CADPS2: variants seen among roughly 807,000 people sequenced by gnomAD.
The protein encoded by CADPS2 is calcium dependent secretion activator 2, also known as calcium-dependent secretion activator 2.
CADPS2 carries 93 observed loss-of-function variants against 172.5 expected under a neutral mutation model. The ratio of observed to expected loss-of-function variants is 0.54; its 90% CI spans 0.46 to 0.64. The LOEUF is 0.64. CADPS2 is among the 30% of genes least tolerant of loss of function. The pLI, the probability that CADPS2 is intolerant of heterozygous loss-of-function variation, is 0.00. For synonymous variants in CADPS2, 546 were observed against 555.2 expected (o/e 0.98, Z 0.23); for missense variants, 1,420 against 1,565.9 (o/e 0.91, Z 1.57).
intron 1 of CADPS2, 53 bp downstream of exon 1, chr7:122,885,946 G>T: frequency 6.4e-7 from 1 of 1,564,658 alleles, no homozygotes; most frequent in Non-Finnish European, 8.7e-7. Context: ...GCTCTCCCGG[G>T]AGAAAAACCC....
chr7:122,410,433 C>T (rs1362167152), intron 19 of CADPS2, among the ~76,000 whole-genome samples: 1 of 143,018 alleles, frequency 7.0e-6, no homozygotes, highest in Non-Finnish European at 1.5e-5. Flanking sequence ...GCTGACAATA[C>T]TTGGAAAGCC....
chr7:122,529,192 C>T (rs576963690), intron 8 of CADPS2, among the ~76,000 whole-genome samples: 127 of 151,930 alleles, frequency 8.4e-4, no homozygotes, highest in Non-Finnish European at 1.6e-3. Flanking sequence ...TTTTTTCTTA[C>T]GGCACATTTC....
In CADPS2 at chr7:122,886,203, C is replaced by A; in HGVS notation, c.135G>T (p.Pro45=). The change falls in exon 1 of 30, where the codon CCG becomes CCT. Residue 45 remains proline, a synonymous_variant. Coordinates refer to ENST00000449022, the MANE Select transcript of CADPS2 (RefSeq NM_017954.11). The part of the protein sequence containing the change: ...APTREGRRDA[P]GRAGGGGAAR... Reference sequence around the variant, plus strand: ...CCGCGCCGCCGCCGCCCGCGCGCCCCGGCGCGTCCCGCCGCCCTTCCCGAG... The same window carrying A: ...CCGCGCCGCCGCCGCCCGCGCGCCCAGGCGCGTCCCGCCGCCCTTCCCGAG... The A allele has an allele frequency of 6.8e-7, 1 of 1,470,080 alleles. No homozygotes were observed. Among genetic ancestry groups the A allele is most frequent in the African/African-American group, 1.5e-5 (1 of 67,050 alleles). 91.1% of individuals were successfully genotyped at this position (1,470,080 alleles called of 1,614,324 possible).
intron 17 of CADPS2, among the ~76,000 whole-genome samples, chr7:122,430,073 C>T (rs2049691772): frequency 6.6e-6 from 1 of 152,040 alleles, no homozygotes; most frequent in Non-Finnish European, 1.5e-5. Flanking sequence ...GCAGTCTGGG[C>T]CTCTGGGAAA....
intron 1 of CADPS2, among the ~76,000 whole-genome samples, chr7:122,815,473 T>G (rs1409651203): frequency 6.6e-6 from 1 of 152,138 alleles, no homozygotes; most frequent in Non-Finnish European, 1.5e-5. Flanking sequence ...ATCAAAACAT[T>G]AACCCTCATT....
chr7:122,609,457 GA>G (rs1426249742), intron 6 of CADPS2, among the ~76,000 whole-genome samples: 1 of 152,104 alleles, frequency 6.6e-6, no homozygotes, highest in East Asian at 1.9e-4. Context: ...AAGAGACTAT[GA>G]AACAATGACT....
intron 1 of CADPS2, among the ~76,000 whole-genome samples, chr7:122,835,884 A>G (rs2140769770): frequency 6.6e-6 from 1 of 152,350 alleles, no homozygotes; most frequent in East Asian, 1.9e-4. Flanking sequence ...AACTTCCCCA[A>G]TCTAGCAAGG....
chr7:122,764,498 T>TA (rs1465559446), intron 1 of CADPS2, among the ~76,000 whole-genome samples: 97 of 152,260 alleles, frequency 6.4e-4, no homozygotes, highest in African/African-American at 2.2e-3. Context: ...AGTCTATCTT[T>TA]GTGGAGCTTA....
chr7:122,739,641 A>G (rs56380009), intron 1 of CADPS2, among the ~76,000 whole-genome samples: 2,467 of 152,302 alleles, frequency 0.016, 65 homozygotes, highest in African/African-American at 0.056. Context: ...TACATTTAAG[A>G]CATAAAATGG....
chr7:122,624,094 TA>T (rs988955411), intron 4 of CADPS2, among the ~76,000 whole-genome samples: 1 of 152,212 alleles, frequency 6.6e-6, no homozygotes, highest in African/African-American at 2.4e-5. Flanking sequence ...AATTCAGTTT[TA>T]AAGCTTTGAG....
chr7:122,334,411 T>G (rs1214430742), intron 28 of CADPS2, among the ~76,000 whole-genome samples: 1 of 152,126 alleles, frequency 6.6e-6, no homozygotes, highest in Admixed American at 6.5e-5. Context: ...AAGTGACATG[T>G]CCTGGGTGCG....
At chr7:122,818,639 A>C (rs867849294) in intron 1 of CADPS2, among the ~76,000 whole-genome samples, 9 of 151,982 alleles carry the variant, frequency 5.9e-5, no homozygotes, top group South Asian at 2.1e-4. Flanking sequence ...CTTCCTCAGC[A>C]TCTGCTCCTC....
intron 27 of CADPS2, among the ~76,000 whole-genome samples, chr7:122,349,289 TA>T (rs1221364729): frequency 6.6e-6 from 1 of 152,138 alleles, no homozygotes; most frequent in Non-Finnish European, 1.5e-5. Flanking sequence ...TCTAAATTGG[TA>T]ATCATAGTTT....
chr7:122,613,368 T>A (rs2074515624), intron 6 of CADPS2, among the ~76,000 whole-genome samples: 3 of 152,118 alleles, frequency 2.0e-5, no homozygotes, highest in Admixed American at 1.3e-4. Flanking sequence ...TATATGGCAC[T>A]TGATACTGGC....
Position 122,467,918 on chromosome 7 carries a change from G to A in CADPS2, c.2186+3457C>T, listed in dbSNP as rs115230174. Among the ~76,000 whole-genome samples, 1,324 of 152,214 alleles carry A rather than the reference G, an allele frequency of 8.7e-3. 17 individuals are homozygous for A. Among genetic ancestry groups the A allele is most frequent in the African/African-American group, 0.029 (1,217 of 41,532 alleles). On this transcript the variant is annotated intron_variant, in intron 14 of 29. Transcript: ENST00000449022. ...TGTGTGGCTATCATCCTGCATGAGT[G>A]GGTCTGTTTCTGTCCTTGACTCACT...
chr7:122,573,907 G>T (rs1456665511), intron 7 of CADPS2, among the ~76,000 whole-genome samples: 3 of 152,006 alleles, frequency 2.0e-5, no homozygotes, highest in African/African-American at 7.2e-5. Context: ...GGTTTTCACT[G>T]TAAGAATAAA....
At chr7:122,579,203 T>A (rs1173600144) in intron 7 of CADPS2, among the ~76,000 whole-genome samples, 1 of 151,868 alleles carries the variant, frequency 6.6e-6, no homozygotes. Context: ...TCAGGCAGGG[T>A]TGATTTTGCA....
At chr7:122,689,540 C>CA (rs1214764733) in intron 2 of CADPS2, among the ~76,000 whole-genome samples, 1 of 152,182 alleles carries the variant, frequency 6.6e-6, no homozygotes, top group Non-Finnish European at 1.5e-5. Context: ...ACCCCACTCA[C>CA]AAAAACTGGA....
chr7:122,474,254 T>C (rs953615921), intron 13 of CADPS2, 127 bp downstream of exon 13: 7 of 1,003,138 alleles, frequency 7.0e-6, no homozygotes, highest in South Asian at 3.3e-5. Context: ...CCTTATTAAA[T>C]GAGTCAGGAA....
Sources: allele counts gnomAD v4.1 joint callset (sites outside exome capture counted in the v4.1 genomes callset), GRCh38; gene constraint gnomAD v4.1.1; transcripts MANE v1.5; gene names NCBI Gene and HGNC (gene_info 2026-07-23, HGNC 2026-07-21).